Variants in CA1 observed in about 807,000 individuals in gnomAD.
The protein encoded by CA1 is carbonate dehydratase I.
In CA1, 27 loss-of-function variants were observed where a neutral mutation model predicts 28.8. That is an observed-to-expected ratio of 0.94 (90% CI 0.69 to 1.29). CA1 has a LOEUF of 1.29. Among genes scored for constraint, CA1 ranks in the 50% most tolerant of loss-of-function variants. CA1 has a pLI of 0.00. For missense variants in CA1, 335 were observed against 310.5 expected, an observed-to-expected ratio of 1.08 and a Z score of -0.59; for synonymous variants, 121 against 108.8, an observed-to-expected ratio of 1.11 and a Z score of -0.70.
At chr8:85,370,099 G>T (rs1810160796) in intron 1 of CA1, among the ~76,000 whole-genome samples, 1 of 152,222 alleles carries the variant, frequency 6.6e-6, no homozygotes, top group Non-Finnish European at 1.5e-5. Context: ...GTCATTAAGG[G>T]CTAGATGGCA....
intron 1 of CA1, among the ~76,000 whole-genome samples, chr8:85,354,829 A>T (rs1200633866): frequency 6.6e-6 from 1 of 152,218 alleles, no homozygotes; most frequent in Non-Finnish European, 1.5e-5. Context: ...ATAGACATGT[A>T]TGAACCTGTC....
At chr8:85,343,282 T>TG (rs1244781250) in intron 1 of CA1, 1 of 152,026 alleles carries the variant, frequency 6.6e-6, no homozygotes, top group East Asian at 1.9e-4. Flanking sequence ...CTTACAGAGG[T>TG]GAAGACACCT....
intron 1 of CA1, among the ~76,000 whole-genome samples, chr8:85,368,759 C>A (rs1034194247): frequency 6.6e-6 from 1 of 152,078 alleles, no homozygotes; most frequent in Non-Finnish European, 1.5e-5. Flanking sequence ...TTTATACTAT[C>A]TTGGGGGCAA....
Position 85,332,571 on chromosome 8 carries a change from A to T in CA1, c.451-19T>A. ...CACCAACCTGGAGATTTAAGAAAAT[A>T]AAGTATGAGATAAAGATTATTATCA... is the stretch of plus-strand genomic sequence containing the variant. On this transcript the variant is annotated intron_variant, in intron 5 of 7. Transcript: ENST00000523022. 6.3e-7 allele frequency: 1 copy of T among 1,584,988 alleles called. No individual in the cohort carries two copies. Among genetic ancestry groups the T allele is most frequent in the East Asian group, 2.2e-5 (1 of 44,578 alleles).
At chr8:85,341,352 G>T in intron 2 of CA1, 1 of 361,836 alleles carries the variant, frequency 2.8e-6, no homozygotes, top group Non-Finnish European at 5.0e-6. Context: ...TTAATGATAG[G>T]GGTCTGAAAC....
intron 1 of CA1, among the ~76,000 whole-genome samples, chr8:85,362,461 A>AGGT (rs1322374669): frequency 2.0e-5 from 3 of 152,120 alleles, no homozygotes; most frequent in Non-Finnish European, 2.9e-5. Flanking sequence ...TGGCGTTTGA[A>AGGT]GGTGGTGGTG....
rs182821306 is a variant in CA1, at chr8:85,366,933, C to T, written c.-25+11113G>A. Among the ~76,000 whole-genome samples, 5 of 152,140 alleles carry T rather than the reference C, an allele frequency of 3.3e-5. No homozygotes were observed. The East Asian group carries it at 5.8e-4, about 18-fold the overall frequency. ...AAGAGAATATGACTCTAAAAGATGACAGATTGTTAATTTTTACTTGATTTA... is the reference window on the plus strand; with the variant it reads ...AAGAGAATATGACTCTAAAAGATGATAGATTGTTAATTTTTACTTGATTTA... On this transcript the variant is annotated intron_variant, in intron 1 of 7. Coordinates refer to ENST00000523022, the MANE Select transcript of CA1 (RefSeq NM_001128831.4).
At chr8:85,370,777 T>C (rs1810192817) in intron 1 of CA1, among the ~76,000 whole-genome samples, 1 of 152,200 alleles carries the variant, frequency 6.6e-6, no homozygotes, top group Admixed American at 6.5e-5. Context: ...TTCTCAGAAA[T>C]TATTTTAATC....
chr8:85,353,909 C>T (rs926720210), intron 1 of CA1, among the ~76,000 whole-genome samples: 1 of 152,112 alleles, frequency 6.6e-6, no homozygotes, highest in Admixed American at 6.6e-5. Context: ...TGACTTCTCA[C>T]TGCTTAGATT....
At chr8:85,364,896 C>T (rs567225034) in intron 1 of CA1, among the ~76,000 whole-genome samples, 15 of 152,244 alleles carry the variant, frequency 9.9e-5, no homozygotes, top group African/African-American at 2.9e-4. Context: ...CTGAGGGGCA[C>T]GTGGAGAGAA....
chr8:85,366,355 C>G (rs888966805), intron 1 of CA1, among the ~76,000 whole-genome samples: 1 of 152,042 alleles, frequency 6.6e-6, no homozygotes, highest in Non-Finnish European at 1.5e-5. Flanking sequence ...GGTCACTTTT[C>G]TCCCTTAGCC....
chr8:85,364,592 C>T (rs374903388), intron 1 of CA1, among the ~76,000 whole-genome samples: 24 of 152,166 alleles, frequency 1.6e-4, no homozygotes, highest in African/African-American at 5.8e-4. Context: ...ACACTTTGAG[C>T]ACATCCAAAA....
intron 1 of CA1, chr8:85,373,469 G>A (rs571306651): frequency 2.6e-5 from 4 of 152,238 alleles, no homozygotes; most frequent in East Asian, 3.9e-4. Flanking sequence ...GACAAGAAAG[G>A]TGAGTACAGT....
At chr8:85,328,793 T>C in intron 7 of CA1, 117 bp from the exon 8 acceptor site, 1 of 607,812 alleles carries the variant, frequency 1.6e-6, no homozygotes, top group Non-Finnish European at 2.9e-6. Context: ...TGCAGTAATA[T>C]CACTAATAGG....
intron 4 of CA1, among the ~76,000 whole-genome samples, chr8:85,334,620 C>T (rs148059954): frequency 1.5e-3 from 220 of 150,914 alleles, no homozygotes; most frequent in African/African-American, 5.0e-3. Context: ...TCCTCCCTCC[C>T]TTCCTTCCTT....
intron 1 of CA1, among the ~76,000 whole-genome samples, chr8:85,366,131 G>A (rs998843585): frequency 6.6e-6 from 1 of 151,610 alleles, no homozygotes; most frequent in Non-Finnish European, 1.5e-5. Context: ...ACACAGTTAA[G>A]GAGGGGAGAA....
At chr8:85,330,039 G>T (rs1317772846) in intron 6 of CA1, among the ~76,000 whole-genome samples, 195 bp from the exon 7 acceptor site, 4 of 152,088 alleles carry the variant, frequency 2.6e-5, no homozygotes, top group Non-Finnish European at 5.9e-5. Flanking sequence ...AAGAAAAAAA[G>T]ATGAAAAATG....
At chr8:85,377,232 A>G (rs140992519) in intron 1 of CA1, among the ~76,000 whole-genome samples, 4 of 152,324 alleles carry the variant, frequency 2.6e-5, no homozygotes, top group African/African-American at 9.6e-5. Context: ...AATGTTTAAG[A>G]GAACATAACT....
At chr8:85,332,284 A>G (rs1322958134) in intron 6 of CA1, 4 of 546,836 alleles carry the variant, frequency 7.3e-6, no homozygotes, top group South Asian at 2.3e-5. Flanking sequence ...TAAATAAACC[A>G]TAACTATGAA....
Sources: allele counts gnomAD v4.1 joint callset (sites outside exome capture counted in the v4.1 genomes callset), GRCh38; gene constraint gnomAD v4.1.1; transcripts MANE v1.5; gene names NCBI Gene and HGNC (gene_info 2026-07-23, HGNC 2026-07-21).